The following C11orf65 variants were observed in gnomAD, a reference collection of about 807,000 sequenced individuals.
C11orf65 encodes protein MFI.
In C11orf65, 38 loss-of-function variants were observed where a neutral mutation model predicts 35.3. The ratio of observed to expected loss-of-function variants is 1.08; its 90% CI spans 0.83 to 1.41. The LOEUF (loss-of-function observed/expected upper bound fraction) is 1.41. C11orf65 is among the 40% of genes most tolerant of loss of function. The probability of loss-of-function intolerance (pLI) is 0.00; values close to 1 mark genes in which losing one functional copy is unlikely to be tolerated. For synonymous variants in C11orf65, 105 were observed against 114.4 expected, an observed-to-expected ratio of 0.92 and a Z score of 0.53; for missense variants, 370 against 367.1, an observed-to-expected ratio of 1.01 and a Z score of -0.06.
At chr11:108,334,516 T>C (rs555997669) in intron 3 of C11orf65, among the ~76,000 whole-genome samples, 7 of 152,264 alleles carry the variant, frequency 4.6e-5, no homozygotes, top group Non-Finnish European at 8.8e-5. Flanking sequence ...GTTTAGAAAA[T>C]GATCATCTTA....
At chr11:108,385,176 G>A (rs2091961699) in intron 8 of C11orf65, among the ~76,000 whole-genome samples, 1 of 151,964 alleles carries the variant, frequency 6.6e-6, no homozygotes, top group Non-Finnish European at 1.5e-5. Context: ...CTGTTCAAAC[G>A]ATTCTCTTGC....
intron 7 of C11orf65, among the ~76,000 whole-genome samples, chr11:108,389,157 A>C (rs1591441885): frequency 6.6e-6 from 1 of 152,270 alleles, no homozygotes; most frequent in Admixed American, 6.5e-5. Flanking sequence ...GGGGTGACCA[A>C]TTCTCTAGAG....
At chr11:108,327,955 A>G (rs1368315775), downstream of C11orf65, among the ~76,000 whole-genome samples, 1 of 152,206 alleles carries the variant, frequency 6.6e-6, no homozygotes, top group East Asian at 1.9e-4. Context: ...TTTGAAAGTA[A>G]GCCCAAGTAT....
Position 108,405,578 on chromosome 11 carries a change from G to T in C11orf65, c.430-19C>A. 6.2e-7 allele frequency: 1 copy of T among 1,608,730 alleles called. No homozygotes were observed. Among genetic ancestry groups the T allele is most frequent in the South Asian group, 1.1e-5 (1 of 89,598 alleles). ...GCCAAAACTATTGAGAAACAAAAAT[G>T]AACATACAAAATGTTGAAATATCGA... On this transcript the variant is annotated intron_variant, in intron 5 of 8. Coordinates refer to ENST00000393084, the MANE Select transcript of C11orf65 (RefSeq NM_152587.5).
intron 3 of C11orf65, among the ~76,000 whole-genome samples, chr11:108,423,899 G>A (rs182066842): frequency 5.7e-4 from 86 of 152,078 alleles, no homozygotes; most frequent in African/African-American, 2.1e-3. Context: ...AACCCCATTC[G>A]ACGGTCACCA....
intron 6 of C11orf65, among the ~76,000 whole-genome samples, chr11:108,399,943 G>A (rs959336078): frequency 1.3e-5 from 2 of 152,270 alleles, no homozygotes; most frequent in East Asian, 3.9e-4. Context: ...AGAGGTCTGT[G>A]CTGTGATTCT....
intron 2 of C11orf65, among the ~76,000 whole-genome samples, chr11:108,449,987 C>T (rs1343337897): frequency 1.3e-5 from 2 of 151,894 alleles, no homozygotes; most frequent in East Asian, 3.9e-4. Flanking sequence ...TGAACAGACA[C>T]TCCTCAAAAG....
intron 3 of C11orf65, among the ~76,000 whole-genome samples, chr11:108,430,077 G>C (rs2092963174): frequency 6.6e-6 from 1 of 151,712 alleles, no homozygotes; most frequent in Admixed American, 6.6e-5. Flanking sequence ...GGTGATGGTT[G>C]GTGATGGTTA....
intron 2 of C11orf65, among the ~76,000 whole-genome samples, chr11:108,344,992 C>CT (rs940579533): frequency 1.3e-5 from 2 of 151,920 alleles, no homozygotes; most frequent in African/African-American, 4.8e-5. Flanking sequence ...GACAGAGACC[C>CT]TGTCACCCTG....
At chr11:108,340,889 T>A (rs2087476061) in intron 2 of C11orf65, among the ~76,000 whole-genome samples, 1 of 152,232 alleles carries the variant, frequency 6.6e-6, no homozygotes, top group Non-Finnish European at 1.5e-5. Context: ...ATAGTTGTAC[T>A]GTATTGGTTT....
At chr11:108,385,999 A>G (rs1246853659) in intron 7 of C11orf65, 24 bp from the exon 8 acceptor site, 1 of 1,593,070 alleles carries the variant, frequency 6.3e-7, no homozygotes, top group East Asian at 2.2e-5. Context: ...ATGAGGATTC[A>G]TTAAATTTAA....
chr11:108,310,072 C>CA, intron 6 of C11orf65: 7 of 1,386,704 alleles, frequency 5.0e-6, no homozygotes, highest in Non-Finnish European at 7.0e-6. Context: ...GTTAAGCAGT[C>CA]ACTACCATTG....
At chr11:108,422,943 C>T (rs1280061617) in intron 3 of C11orf65, among the ~76,000 whole-genome samples, 4 of 151,328 alleles carry the variant, frequency 2.6e-5, no homozygotes, top group Admixed American at 6.6e-5. Flanking sequence ...CCCAGGTGGA[C>T]TGCAGATCTA....
At position 108,438,416 on chromosome 11, in the gene C11orf65, T is replaced by A. The variant is rs575887903; in HGVS notation, c.82-6578A>T. Among the ~76,000 whole-genome samples, 19 of 151,594 alleles carry A rather than the reference T, an allele frequency of 1.3e-4. 1 individual carries two copies. In the South Asian group the frequency reaches 4.0e-3, roughly 32 times the overall value. ...AAAATACAAAAATTAGCTGGGCATG[T>A]GGCGCACTCCTGTAGTCCCAGCTAC... On this transcript the variant is annotated intron_variant, in intron 2 of 8. Coordinates refer to ENST00000393084, the MANE Select transcript of C11orf65 (RefSeq NM_152587.5).
chr11:108,386,037 C>T (rs1033331697), intron 7 of C11orf65, 62 bp from the exon 8 acceptor site: 1 of 1,363,876 alleles, frequency 7.3e-7, no homozygotes. Flanking sequence ...ACTTAGACTA[C>T]TTCTAAAATT....
intron 2 of C11orf65, chr11:108,336,001 A>G (rs1181339680): frequency 2.7e-6 from 4 of 1,485,196 alleles, no homozygotes; most frequent in African/African-American, 1.4e-5. Flanking sequence ...AAAAACATAT[A>G]AAAGATGCCA....
At chr11:108,362,244 A>G (rs1425155339) in intron 2 of C11orf65, among the ~76,000 whole-genome samples, 2 of 149,078 alleles carry the variant, frequency 1.3e-5, no homozygotes, top group African/African-American at 2.4e-5. Context: ...CAAAACCACA[A>G]TGAGATACCA....
intron 2 of C11orf65, among the ~76,000 whole-genome samples, chr11:108,433,788 C>T (rs1565690405): frequency 6.6e-6 from 1 of 151,770 alleles, no homozygotes. Flanking sequence ...GTTCTATATA[C>T]ATTACAGCTT....
intron 2 of C11orf65, among the ~76,000 whole-genome samples, chr11:108,460,824 C>G (rs1187632425): frequency 6.6e-6 from 1 of 152,076 alleles, no homozygotes; most frequent in Non-Finnish European, 1.5e-5. Context: ...CTCCCAAGTT[C>G]AAGTGATTCT....
Sources: allele counts gnomAD v4.1 joint callset (sites outside exome capture counted in the v4.1 genomes callset), GRCh38; gene constraint gnomAD v4.1.1; transcripts MANE v1.5; gene names NCBI Gene and HGNC (gene_info 2026-07-23, HGNC 2026-07-21).